Variants in MROH7 observed in about 807,000 individuals in gnomAD.
MROH7 encodes maestro heat like repeat family member 7, also known as maestro heat-like repeat-containing protein family member 7.
A neutral mutation model predicts 129.2 loss-of-function variants in MROH7; 113 were observed. The ratio of observed to expected loss-of-function variants is 0.87; its 90% CI spans 0.75 to 1.02. The LOEUF is 1.02. Ranked by LOEUF, MROH7 falls within the 50% of genes least tolerant of loss-of-function variation. The pLI is 0.00. For synonymous variants in MROH7, 655 were observed against 667.9 expected (o/e 0.98, Z 0.30); for missense variants, 1,601 against 1,671.3 (o/e 0.96, Z 0.73).
intron 3 of MROH7, 81 bp from the exon 4 acceptor site, chr1:54,665,086 G>T: frequency 1.9e-6 from 2 of 1,065,022 alleles, no homozygotes; most frequent in South Asian, 1.4e-5. Context: ...GGTGCCTAGA[G>T]GGGGAGGAGA....
chr1:54,678,669 T>C, intron 10 of MROH7, 73 bp from the exon 11 acceptor site: 1 of 1,006,232 alleles, frequency 9.9e-7, no homozygotes, highest in Admixed American at 1.8e-5. Context: ...CCTTATGATG[T>C]AGGGACTTCC....
At chr1:54,680,685 G>T (rs188721810) in intron 13 of MROH7, among the ~76,000 whole-genome samples, 5 of 152,208 alleles carry the variant, frequency 3.3e-5, no homozygotes, top group African/African-American at 1.2e-4. Context: ...AGGTCAGTCT[G>T]GCCTCAGCCT....
rs993876254 is a variant in MROH7 at position 54,702,128 on chromosome 1, T to C, written c.3324T>C (p.Tyr1108=). The C allele has an allele frequency of 1.4e-5, 23 of 1,611,856 alleles. No homozygotes were observed. Among genetic ancestry groups the C allele is most frequent in the Non-Finnish European group, 1.9e-5 (22 of 1,178,936 alleles). Residue 1108 remains tyrosine (Y), a synonymous_variant, in exon 20 of 24, where the codon TAT becomes TAC. Coordinates refer to ENST00000421030, the MANE Select transcript of MROH7 (RefSeq NM_001039464.4). ...EVVRSSCINL[Y]GKVVQKLRAP... Reference sequence around the variant, plus strand: ...TGCGCTCCTCCTGCATCAACCTGTATGGGAAGGTGGTCCAGAAGCTTCGGG... The same window carrying C: ...TGCGCTCCTCCTGCATCAACCTGTACGGGAAGGTGGTCCAGAAGCTTCGGG...
At chr1:54,682,173 T>C (rs1352515219) in intron 13 of MROH7, among the ~76,000 whole-genome samples, 3 of 151,508 alleles carry the variant, frequency 2.0e-5, no homozygotes, top group African/African-American at 7.3e-5. Flanking sequence ...TTTTTTTTTT[T>C]TTTTGAAGAT....
chr1:54,673,048 C>A, intron 7 of MROH7, 43 bp from the exon 8 acceptor site: 1 of 1,505,480 alleles, frequency 6.6e-7, no homozygotes, highest in Non-Finnish European at 9.2e-7. Context: ...CTGGTGTCCG[C>A]TCCAGAGGTG....
rs190299683 is a variant in MROH7 at position 54,702,101 on chromosome 1, C to T, written c.3297C>T (p.Val1099=). The T allele has an allele frequency of 2.9e-5, 47 of 1,600,504 alleles. 1 individual carries two copies. Among genetic ancestry groups the T allele is most frequent in the Admixed American group, 2.7e-4 (16 of 58,856 alleles). ...LLPHFSDARE[V]VRSSCINLYG... Reference sequence around the variant, plus strand: ...TTGGTCTTCCCCAGGCACGAGAGGTCGTGCGCTCCTCCTGCATCAACCTGT... The same window carrying T: ...TTGGTCTTCCCCAGGCACGAGAGGTTGTGCGCTCCTCCTGCATCAACCTGT... Residue 1099 remains valine (V), a synonymous_variant, in exon 20 of 24, where the codon GTC becomes GTT. Coordinates refer to ENST00000421030, the MANE Select transcript of MROH7 (RefSeq NM_001039464.4).
At chr1:54,689,707 C>G (rs1015299982) in intron 15 of MROH7, among the ~76,000 whole-genome samples, 1 of 152,204 alleles carries the variant, frequency 6.6e-6, no homozygotes, top group East Asian at 1.9e-4. Flanking sequence ...TTTCAGCAGC[C>G]CTGGGCTTTA....
chr1:54,660,457 CACAA>C (rs1343122393), intron 3 of MROH7, among the ~76,000 whole-genome samples: 2 of 152,248 alleles, frequency 1.3e-5, no homozygotes, highest in East Asian at 3.9e-4. Flanking sequence ...TTTACGCTTC[CACAA>C]ACAATGTGAG....
In MROH7 at chr1:54,699,162, T is replaced by TTTCTTTC. The variant is rs1557727254; in HGVS notation, c.2965-1159_2965-1158insTTCTTTC. ...TCTTTCTTTCTTTCTTTCTTTCTTT[T>TTTCTTTC]CTTTCTTTCTTTCTTTCTTTCTTTC... is the stretch of plus-strand genomic sequence containing the variant. On this transcript the variant is annotated intron_variant, in intron 17 of 23. Coordinates refer to ENST00000421030, the MANE Select transcript of MROH7 (RefSeq NM_001039464.4). The TTTCTTTC allele has an allele frequency of 8.4e-4, 72 of 86,134 alleles. 5 individuals are homozygous for TTTCTTTC. The highest frequency in any genetic ancestry group is 6.3e-3 in the Middle Eastern group (1 of 160). 5.3% of individuals were successfully genotyped at this position (86,134 alleles called of 1,614,324 possible).
At chr1:54,667,086 T>A (rs1644825881) in intron 4 of MROH7, among the ~76,000 whole-genome samples, 1 of 152,202 alleles carries the variant, frequency 6.6e-6, no homozygotes, top group South Asian at 2.1e-4. Flanking sequence ...AGGCACTGTT[T>A]CAGGCACTGG....
In MROH7 at chr1:54,679,886, C is replaced by T. The variant is rs759747247; in HGVS notation, c.2227-5C>T. 48 of 1,605,180 alleles carry T rather than the reference C, an allele frequency of 3.0e-5. No individual in the cohort carries two copies. In the South Asian group the frequency reaches 5.0e-4, roughly 17 times the overall value. ...TTGCTCATGGCTGCCCCGGCTGTGC[C>T]CCAGATCCCAGAAATCATGCAAGGC... On this transcript the variant is annotated splice_region_variant and splice_polypyrimidine_tract_variant and intron_variant, in intron 12 of 23. Coordinates refer to ENST00000421030, the MANE Select transcript of MROH7 (RefSeq NM_001039464.4).
chr1:54,650,399 C>G (rs1644535740), intron 1 of MROH7, among the ~76,000 whole-genome samples: 1 of 152,128 alleles, frequency 6.6e-6, no homozygotes, highest in Non-Finnish European at 1.5e-5. Context: ...AATGAGTTAG[C>G]ACATGAATGA....
chr1:54,679,974 C>T lies in MROH7; in HGVS notation c.2310C>T (p.Val770=), dbSNP rs1479699308. Residue 770 remains valine (V), a synonymous_variant, in exon 13 of 24, where the codon GTC becomes GTT. Transcript: ENST00000421030. ...CCCGCCAGGTGGCCCTGCTGCCCGTCTCCCTCCTGGCTAGCTCCTTCATGA... is the reference window on the plus strand; with the variant it reads ...CCCGCCAGGTGGCCCTGCTGCCCGTTTCCCTCCTGGCTAGCTCCTTCATGA... ...PRARQVALLP[V]SLLASSFMTE... 4 of 1,614,046 alleles carry T rather than the reference C, an allele frequency of 2.5e-6. No homozygotes were observed. The East Asian group carries it at 8.9e-5, about 36-fold the overall frequency.
At position 54,680,023 on chromosome 1, in the gene MROH7, A is replaced by G. The variant is rs752396376; in HGVS notation, c.2359A>G (p.Met787Val). The G allele has an allele frequency of 1.2e-5, 20 of 1,613,728 alleles. No individual in the cohort carries two copies. Among genetic ancestry groups the G allele is most frequent in the South Asian group, 1.1e-4 (10 of 91,070 alleles). ...GACCGAGGTTGTGGTGGCCCTGCTC[A>G]TGTGCCCCCTCCCACTGAACAGGTA... ...FMTEVVVALL[M>V]CPLPLNSNGA... Residue 787 changes from methionine to valine, a missense_variant, in exon 13 of 24, where the codon ATG becomes GTG. By Grantham distance (21) the Met-to-Val change is conservative (BLOSUM62 1). Coordinates refer to ENST00000421030, the MANE Select transcript of MROH7 (RefSeq NM_001039464.4).
intron 3 of MROH7, chr1:54,659,055 T>A: frequency 2.4e-6 from 1 of 415,446 alleles, no homozygotes; most frequent in South Asian, 1.7e-5. Flanking sequence ...GCCAATAGAA[T>A]AATACTGTAT....
Position 54,710,194 on chromosome 1 carries a change from T to C in MROH7, c.*7T>C. 6.2e-7 allele frequency: 1 copy of C among 1,609,424 alleles called. No homozygotes were observed. The highest frequency in any genetic ancestry group is 1.7e-4 in the Middle Eastern group (1 of 6,024). ...GATGTCCTTGAAGAAGTGACGTCCC[T>C]GAGCCCCAAACCCTCCTCAGGGTGG... On this transcript the variant is annotated 3_prime_UTR_variant, in exon 24 of 24. Transcript: ENST00000421030.
intron 3 of MROH7, among the ~76,000 whole-genome samples, chr1:54,660,533 G>A (rs1022383635): frequency 6.6e-6 from 1 of 152,220 alleles, no homozygotes; most frequent in Non-Finnish European, 1.5e-5. Context: ...TTGTAGTCAG[G>A]CCGGGTGCAG....
At position 54,695,386 on chromosome 1, in the gene MROH7, C is replaced by A; in HGVS notation, c.2860C>A (p.Gln954Lys). The stretch of plus-strand genomic sequence containing the variant: ...CCTTCCCACCCCCAGGGCCATGGTG[C>A]AGTACTCCTGCCAGGAGCTGTGCCG... ...GVALLARAMV[Q>K]YSCQELCRIL... is the part of the protein sequence containing the mutation. Residue 954 changes from glutamine (Q) to lysine (K), a missense_variant, in exon 17 of 24, where the codon CAG becomes AAG. Coordinates refer to ENST00000421030, the MANE Select transcript of MROH7 (RefSeq NM_001039464.4). 6.2e-7 allele frequency: 1 copy of A among 1,610,232 alleles called. No homozygotes were observed. Among genetic ancestry groups the A allele is most frequent in the East Asian group, 2.2e-5 (1 of 44,766 alleles).
At chr1:54,708,480 T>A (rs1645571918) in intron 22 of MROH7, among the ~76,000 whole-genome samples, 1 of 151,958 alleles carries the variant, frequency 6.6e-6, no homozygotes, top group Non-Finnish European at 1.5e-5. Flanking sequence ...TACAGCCCAT[T>A]TAAGGACCTG....
Sources: allele counts gnomAD v4.1 joint callset (sites outside exome capture counted in the v4.1 genomes callset), GRCh38; gene constraint gnomAD v4.1.1; transcripts MANE v1.5; gene names NCBI Gene and HGNC (gene_info 2026-07-23, HGNC 2026-07-21).